The following TMC1 variants were observed in gnomAD, a reference collection of about 807,000 sequenced individuals.
The protein encoded by TMC1 is transmembrane channel-like protein 1.
Under a neutral mutation model 105.8 loss-of-function variants are expected in TMC1, and 84 were observed. That is an observed-to-expected ratio of 0.79 (90% CI 0.67 to 0.95). TMC1 has a LOEUF of 0.95. TMC1 is among the 40% of genes least tolerant of loss of function. The pLI, the probability that TMC1 is intolerant of heterozygous loss-of-function variation, is 0.00. For missense variants in TMC1, 817 were observed against 914.1 expected (o/e 0.89, Z 1.37); for synonymous variants, 315 against 311.5 (o/e 1.01, Z -0.12).
intron 13 of TMC1, among the ~76,000 whole-genome samples, chr9:72,774,544 A>G (rs757296456): frequency 6.6e-6 from 1 of 152,094 alleles, no homozygotes; most frequent in Non-Finnish European, 1.5e-5. Context: ...TGGCTTTTTC[A>G]AAGTTGCTCG....
intron 20 of TMC1, among the ~76,000 whole-genome samples, chr9:72,821,517 AG>A (rs1554730452): frequency 1.3e-5 from 2 of 151,936 alleles, no homozygotes; most frequent in African/African-American, 2.4e-5. Flanking sequence ...AAAAAAAAAA[AG>A]AAAGAAATGA....
At chr9:72,667,031 C>A (rs1022706903) in intron 5 of TMC1, among the ~76,000 whole-genome samples, 2 of 152,130 alleles carry the variant, frequency 1.3e-5, no homozygotes, top group East Asian at 1.9e-4. Context: ...AGTGAGCCAA[C>A]ATCTCCCCAC....
chr9:72,749,159 C>T (rs562573406), intron 10 of TMC1, among the ~76,000 whole-genome samples: 2 of 152,240 alleles, frequency 1.3e-5, no homozygotes, highest in African/African-American at 2.4e-5. Context: ...GTACCCTACA[C>T]GCAAGAAATT....
At chr9:72,549,608 ATTT>A (rs71357585) in intron 1 of TMC1, among the ~76,000 whole-genome samples, 44,228 of 120,380 alleles carry the variant, frequency 0.37, 7,989 homozygotes, top group African/African-American at 0.52. Flanking sequence ...ACATCTGGCT[ATTT>A]TTTTTTTTTT....
intron 1 of TMC1, among the ~76,000 whole-genome samples, chr9:72,565,717 G>A (rs1186753163): frequency 2.0e-5 from 3 of 152,164 alleles, no homozygotes; most frequent in African/African-American, 7.2e-5. Context: ...TCACAATCAT[G>A]GTGGAAGGTG....
At chr9:72,736,491 G>C (rs780039069) in intron 8 of TMC1, among the ~76,000 whole-genome samples, 3 of 152,100 alleles carry the variant, frequency 2.0e-5, no homozygotes, top group Admixed American at 2.0e-4. Context: ...TTGTGCTTTC[G>C]AATTGACCAC....
chr9:72,699,128 A>G lies in TMC1; in HGVS notation c.237-1390A>G, dbSNP rs145006724. ...AATAGCTTAAAAACTGAAATAATCT[A>G]TTACCAAAAAGCTGATCTCTACAAT... is the stretch of plus-strand genomic sequence containing the variant. On this transcript the variant is annotated intron_variant, in intron 7 of 23. Transcript: ENST00000297784. 4.8e-3 allele frequency among the ~76,000 whole-genome samples: 729 copies of G among 152,298 alleles called. 7 individuals are homozygous for G. Among genetic ancestry groups the G allele is most frequent in the African/African-American group, 0.016 (671 of 41,554 alleles).
At chr9:72,652,097 C>T (rs939487020) in intron 5 of TMC1, among the ~76,000 whole-genome samples, 2 of 151,996 alleles carry the variant, frequency 1.3e-5, no homozygotes, top group Non-Finnish European at 2.9e-5. Flanking sequence ...TGATCATGAC[C>T]ATTGTTGTAG....
chr9:72,771,924 C>T (rs867850622), intron 12 of TMC1, among the ~76,000 whole-genome samples: 7 of 152,146 alleles, frequency 4.6e-5, no homozygotes, highest in African/African-American at 1.7e-4. Context: ...GTCATCCCAC[C>T]TGCTCTTTGA....
intron 2 of TMC1, among the ~76,000 whole-genome samples, chr9:72,599,190 C>A (rs900750801): frequency 4.5e-4 from 68 of 152,052 alleles, no homozygotes; most frequent in African/African-American, 1.6e-3. Flanking sequence ...GCCAGCACAC[C>A]CAGCTAATTT....
intron 1 of TMC1, among the ~76,000 whole-genome samples, chr9:72,550,831 G>A (rs1462932499): frequency 6.6e-6 from 1 of 151,968 alleles, no homozygotes; most frequent in East Asian, 1.9e-4. Flanking sequence ...TGCCTTATGG[G>A]GCAAAAGGAA....
Position 72,688,764 on chromosome 9 carries a change from G to C in TMC1, c.64+8G>C, listed in dbSNP as rs1208382666. On this transcript the variant is annotated splice_region_variant and intron_variant, in intron 6 of 23. Transcript: ENST00000297784. ...AGACTGAGGAAAGCTCAAGTAAGTG[G>C]TGATGGGCCACTTGGGATACATTTC... The C allele has an allele frequency of 1.2e-6, 2 of 1,609,086 alleles. No homozygotes were observed. Among genetic ancestry groups the C allele is most frequent in the Non-Finnish European group, 1.7e-6 (2 of 1,176,322 alleles).
chr9:72,575,422 C>G, intron 1 of TMC1, among the ~76,000 whole-genome samples: 2 of 152,184 alleles, frequency 1.3e-5, no homozygotes, highest in Non-Finnish European at 2.9e-5. Flanking sequence ...CTCAGGTGAT[C>G]TGCCCGCCTC....
intron 10 of TMC1, among the ~76,000 whole-genome samples, chr9:72,743,943 A>C (rs1477059445): frequency 1.3e-5 from 2 of 152,214 alleles, no homozygotes; most frequent in Non-Finnish European, 2.9e-5. Flanking sequence ...TCTGATTTCC[A>C]TCCATTCCTC....
intron 10 of TMC1, among the ~76,000 whole-genome samples, chr9:72,746,368 T>C (rs1827490242): frequency 2.0e-5 from 3 of 152,212 alleles, no homozygotes; most frequent in African/African-American, 2.4e-5. Context: ...TCATTGATCT[T>C]ACATCCAAAT....
intron 2 of TMC1, among the ~76,000 whole-genome samples, chr9:72,590,850 G>A (rs564178481): frequency 6.6e-5 from 10 of 152,280 alleles, no homozygotes; most frequent in African/African-American, 2.4e-4. Flanking sequence ...TGGAACAACA[G>A]GCATAAATCA....
intron 8 of TMC1, among the ~76,000 whole-genome samples, chr9:72,737,838 G>A (rs1827325124): frequency 6.6e-6 from 1 of 152,302 alleles, no homozygotes; most frequent in African/African-American, 2.4e-5. Context: ...TTTAGAATGT[G>A]CAAAAGGTTT....
At chr9:72,596,027 C>T (rs1254643944) in intron 2 of TMC1, among the ~76,000 whole-genome samples, 1 of 151,966 alleles carries the variant, frequency 6.6e-6, no homozygotes, top group African/African-American at 2.4e-5. Context: ...CAGGCGCATG[C>T]CACCACGCCC....
chr9:72,776,858 TAACA>T (rs1828013927), intron 13 of TMC1, among the ~76,000 whole-genome samples: 1 of 151,904 alleles, frequency 6.6e-6, no homozygotes, highest in South Asian at 2.1e-4. Flanking sequence ...ATATTGATGA[TAACA>T]ATCATCAATA....
Sources: allele counts gnomAD v4.1 joint callset (sites outside exome capture counted in the v4.1 genomes callset), GRCh38; gene constraint gnomAD v4.1.1; transcripts MANE v1.5; gene names NCBI Gene and HGNC (gene_info 2026-07-23, HGNC 2026-07-21).